Variants in EIF4A2 observed in about 807,000 individuals in gnomAD.
EIF4A2 encodes the protein eukaryotic translation initiation factor 4A2, also known as eukaryotic initiation factor 4A-II.
EIF4A2 carries 9 observed loss-of-function variants against 50.6 expected under a neutral mutation model. The ratio of observed to expected loss-of-function variants is 0.18; its 90% CI spans 0.11 to 0.31. EIF4A2 has a LOEUF of 0.31. Ranked by LOEUF, EIF4A2 falls within the 10% of genes least tolerant of loss-of-function variation. The probability of loss-of-function intolerance (pLI) is 1.00; values close to 1 mark genes in which losing one functional copy is unlikely to be tolerated. For synonymous variants in EIF4A2, 215 were observed against 164.4 expected, an observed-to-expected ratio of 1.31 and a Z score of -2.35; for missense variants, 182 against 501.8, an observed-to-expected ratio of 0.36 and a Z score of 6.09.
At position 186,789,132 on chromosome 3, in the gene EIF4A2, A is replaced by AG; in HGVS notation, c.1088dup (p.Gly364ArgfsTer16). 1 of 1,613,518 alleles carries AG rather than the reference A, an allele frequency of 6.2e-7. No homozygotes were observed. Among genetic ancestry groups the AG allele is most frequent in the Non-Finnish European group, 8.5e-7 (1 of 1,179,640 alleles). On this transcript the variant is annotated frameshift_variant, in exon 11 of 11. Coordinates refer to ENST00000323963, the MANE Select transcript of EIF4A2 (RefSeq NM_001967.4). LOFTEE classifies it high-confidence loss of function. ...ATTCTTTTTCTTACACAGAATTGGC[A>AG]GAGGGGGTCGATTTGGGAGGAAAGG...
chr3:186,788,943 G>T, intron 10 of EIF4A2, 182 bp from the exon 11 acceptor site: 2 of 731,898 alleles, frequency 2.7e-6, no homozygotes, highest in Non-Finnish European at 4.1e-6. Flanking sequence ...GAATCCTTTT[G>T]GCACTAACTG....
rs368316281 is a variant in EIF4A2, at chr3:186,783,587, G to C, written c.-24G>C. 5.0e-6 allele frequency: 8 copies of C among 1,614,020 alleles called. No individual in the cohort carries two copies. The Middle Eastern group carries it at 6.6e-4, about 133-fold the overall frequency. On this transcript the variant is annotated 5_prime_UTR_variant, in exon 1 of 11. Coordinates refer to ENST00000323963, the MANE Select transcript of EIF4A2 (RefSeq NM_001967.4). Reference sequence around the variant, plus strand: ...GTTGGGCGCCGCTGTCTTTTCAGTCGGGCGCTGAGTGGTTTTTCGGATCAT... The same window carrying C: ...GTTGGGCGCCGCTGTCTTTTCAGTCCGGCGCTGAGTGGTTTTTCGGATCAT...
rs752905396 is a variant in EIF4A2, at chr3:186,783,599, GT to G, written c.-7del. 9 of 1,614,054 alleles carry G rather than the reference GT, an allele frequency of 5.6e-6. No individual in the cohort carries two copies. The South Asian group carries it at 7.7e-5, about 14-fold the overall frequency. On this transcript the variant is annotated 5_prime_UTR_variant, in exon 1 of 11. Coordinates refer to ENST00000323963, the MANE Select transcript of EIF4A2 (RefSeq NM_001967.4). ...TGTCTTTTCAGTCGGGCGCTGAGTG[GT>G]TTTTCGGATCATGTCTGGTGGCTCC...
chr3:186,788,039 A>T, intron 10 of EIF4A2, 157 bp downstream of exon 10: 1 of 858,870 alleles, frequency 1.2e-6, no homozygotes, highest in Non-Finnish European at 1.8e-6. Context: ...AAGGTTGATG[A>T]GAACAAAGTG....
intron 7 of EIF4A2, 111 bp downstream of exon 7, chr3:186,786,756 C>T: frequency 7.0e-7 from 1 of 1,427,230 alleles, no homozygotes; most frequent in Non-Finnish European, 9.9e-7. Flanking sequence ...GCAGAGTACA[C>T]ACAAGAAGAA....
At chr3:186,785,776 C>A in intron 4 of EIF4A2, 107 bp from the exon 5 acceptor site, 1 of 1,384,314 alleles carries the variant, frequency 7.2e-7, no homozygotes, top group Non-Finnish European at 9.8e-7. Flanking sequence ...TTGTGCTGTG[C>A]ATGCATAAAA....
chr3:186,785,067 T>G lies in EIF4A2; in HGVS notation c.314T>G (p.Leu105Arg). Residue 105 changes from leucine (L) to arginine (R), a missense_variant, in exon 4 of 11, where the codon CTA becomes CGA. By Grantham distance (102) the Leu-to-Arg change is moderately radical. Coordinates refer to ENST00000323963, the MANE Select transcript of EIF4A2 (RefSeq NM_001967.4). ...ATTGAGTTCAAGGAGACCCAAGCAC[T>G]AGTATTGGCCCCCACCAGAGAACTG... ...LEIEFKETQALVLAPTRELAQ... is the reference protein window; with the variant it reads ...LEIEFKETQARVLAPTRELAQ... 6.2e-7 allele frequency: 1 copy of G among 1,614,186 alleles called. No homozygotes were observed. The highest frequency in any genetic ancestry group is 8.5e-7 in the Non-Finnish European group (1 of 1,180,036).
chr3:186,789,379 T>C lies in EIF4A2; in HGVS notation c.*110T>C. On this transcript the variant is annotated 3_prime_UTR_variant, in exon 11 of 11. Transcript: ENST00000323963. ...TATTTGAATCTTGTCTCAATGCTCATAACGGATCAGAAATACAGATTTTGA... is the reference window on the plus strand; with the variant it reads ...TATTTGAATCTTGTCTCAATGCTCACAACGGATCAGAAATACAGATTTTGA... The C allele has an allele frequency of 7.0e-7, 1 of 1,426,888 alleles. No homozygotes were observed. Among genetic ancestry groups the C allele is most frequent in the Non-Finnish European group, 9.4e-7 (1 of 1,069,114 alleles). The allele number at this position is 1,426,888 out of a possible 1,614,324, so 88.4% of individuals were successfully genotyped here.
Position 186,789,651 on chromosome 3 carries a change from CTTTA to C in EIF4A2, c.*385_*388del, listed in dbSNP as rs1721999231. 1 of 344,938 alleles carries C rather than the reference CTTTA, an allele frequency of 2.9e-6. No individual in the cohort carries two copies. The highest frequency in any genetic ancestry group is 4.7e-5 in the East Asian group (1 of 21,370). The allele number at this position is 344,938 out of a possible 1,614,324, so 21.4% of individuals were successfully genotyped here. ...AATTATGTTAAACTAGCATATCTGC[CTTTA>C]TTGTGTTTGTCATTAGCCTGAGTAG... On this transcript the variant is annotated 3_prime_UTR_variant, in exon 11 of 11. Coordinates refer to ENST00000323963, the MANE Select transcript of EIF4A2 (RefSeq NM_001967.4).
rs1248642829 is a variant in EIF4A2, at chr3:186,789,372, A to G, written c.*103A>G. On this transcript the variant is annotated 3_prime_UTR_variant, in exon 11 of 11. Transcript: ENST00000323963. ...TTGGGAATATTTGAATCTTGTCTCA[A>G]TGCTCATAACGGATCAGAAATACAG... is the stretch of plus-strand genomic sequence containing the variant. The G allele has an allele frequency of 4.7e-6, 7 of 1,474,624 alleles. No homozygotes were observed. The highest frequency in any genetic ancestry group is 1.4e-5 in the African/African-American group (1 of 70,664). The allele number at this position is 1,474,624 out of a possible 1,614,324, so 91.3% of individuals were successfully genotyped here. A position where few individuals can be genotyped will look rare whatever the true frequency, so the allele number is the denominator to read the frequency against.
In EIF4A2 at chr3:186,789,149, G is replaced by C; in HGVS notation, c.1104G>C (p.Gly368=). The change falls in exon 11 of 11, where the codon GGG becomes GGC. Residue 368 remains glycine (G), a synonymous_variant. Transcript: ENST00000323963. ...GAATTGGCAGAGGGGGTCGATTTGG[G>C]AGGAAAGGTGTGGCTATAAACTTTG... ...IHRIGRGGRF[G]RKGVAINFVT... is the part of the protein sequence containing the mutation. 1 of 1,613,682 alleles carries C rather than the reference G, an allele frequency of 6.2e-7. No homozygotes were observed. The highest frequency in any genetic ancestry group is 8.5e-7 in the Non-Finnish European group (1 of 1,179,748).
chr3:186,788,977 A>G (rs1721961115), intron 10 of EIF4A2, 148 bp from the exon 11 acceptor site: 3 of 1,137,854 alleles, frequency 2.6e-6, no homozygotes, highest in East Asian at 2.7e-5. Flanking sequence ...TTTTCTCTAG[A>G]TATGCATTAG....
intron 4 of EIF4A2, 61 bp downstream of exon 4, chr3:186,785,162 CTG>C (rs1721614929): frequency 9.4e-6 from 15 of 1,595,598 alleles, no homozygotes; most frequent in South Asian, 2.2e-5. Flanking sequence ...GGTTTCACAA[CTG>C]TGAAGAATTT....
Position 186,789,302 on chromosome 3 carries a change from G to A in EIF4A2, c.*33G>A, listed in dbSNP as rs749499275. The A allele has an allele frequency of 3.0e-5, 48 of 1,584,176 alleles. No homozygotes were observed. Among genetic ancestry groups the A allele is most frequent in the South Asian group, 1.9e-4 (17 of 87,380 alleles). ...GATGAGAGTTTTGGATGCAGTGCTCGCTGTTGCTGAATAGGCGATCACAAC... is the reference window on the plus strand; with the variant it reads ...GATGAGAGTTTTGGATGCAGTGCTCACTGTTGCTGAATAGGCGATCACAAC... On this transcript the variant is annotated 3_prime_UTR_variant, in exon 11 of 11. Transcript: ENST00000323963.
chr3:186,784,253 G>A (rs1041099842), intron 1 of EIF4A2, 179 bp from the exon 2 acceptor site: 2 of 856,296 alleles, frequency 2.3e-6, no homozygotes, highest in East Asian at 2.7e-5. Flanking sequence ...GCCTTTCCGG[G>A]CATCCGCAGG....
chr3:186,787,986 CAGT>C (rs1175827050), intron 10 of EIF4A2, 104 bp downstream of exon 10: 10 of 1,153,606 alleles, frequency 8.7e-6, no homozygotes, highest in East Asian at 2.5e-5. Flanking sequence ...TCAGTAAAGT[CAGT>C]AGTGTTCAGT....
chr3:186,788,790 T>C (rs543040988), intron 10 of EIF4A2: 1 of 266,036 alleles, frequency 3.8e-6, no homozygotes, highest in Admixed American at 5.0e-5. Flanking sequence ...TGTTCACATC[T>C]GTCCCAGGCT....
chr3:186,787,910 GA>G (rs1022213125), intron 10 of EIF4A2, 28 bp downstream of exon 10: 5 of 1,607,440 alleles, frequency 3.1e-6, no homozygotes. Flanking sequence ...TGGCTGTATT[GA>G]AAAAAATTCA....
Position 186,786,176 on chromosome 3 carries a change from T to G in EIF4A2, c.530T>G (p.Ile177Ser). 1 of 1,613,836 alleles carries G rather than the reference T, an allele frequency of 6.2e-7. No individual in the cohort carries two copies. Among genetic ancestry groups the G allele is most frequent in the Non-Finnish European group, 8.5e-7 (1 of 1,179,844 alleles). ...TTGTTTCTAACAGCTCCAAAATGGA[T>G]CAAAATGTTTGTTTTGGATGAAGCA... ...LNRRYLSPKW[I>S]KMFVLDEADE... The change falls in exon 6 of 11, where the codon ATC becomes AGC. Residue 177 changes from isoleucine (I) to serine (S), a missense_variant. Ile to Ser is a moderately radical substitution (Grantham distance 142). Around this residue, in one of 7 missense-constraint regions of EIF4A2, gnomAD observed 113 missense variants for 357.3 expected, o/e 0.32. Coordinates refer to ENST00000323963, the MANE Select transcript of EIF4A2 (RefSeq NM_001967.4).
Sources: gnomAD v4.1 joint callset for allele counts on GRCh38, gnomAD v4.1.1 for gene constraint, gnomAD v4.1.1 regional missense constraint, MANE v1.5 for transcripts, NCBI Gene and HGNC (gene_info 2026-07-23, HGNC 2026-07-21) for gene names.